The following CSMD1 variants were observed in gnomAD, a reference collection of about 807,000 sequenced individuals.
CSMD1 encodes the protein CUB and Sushi multiple domains 1.
Under a neutral mutation model 417.5 loss-of-function variants are expected in CSMD1, and 213 were observed. The ratio of observed to expected loss-of-function variants is 0.51; its 90% CI spans 0.46 to 0.57. The LOEUF is 0.57. CSMD1 is among the 20% of genes least tolerant of loss of function. The pLI, the probability that CSMD1 is intolerant of heterozygous loss-of-function variation, is 0.00. For missense variants in CSMD1, 6,923 were observed against 4,529.7 expected, an observed-to-expected ratio of 1.53 and a Z score of -15.17; for synonymous variants, 2,862 against 1,736.8, an observed-to-expected ratio of 1.65 and a Z score of -16.11.
intron 5 of CSMD1, among the ~76,000 whole-genome samples, chr8:3,754,670 G>A (rs757475515): frequency 2.0e-5 from 3 of 152,276 alleles, no homozygotes; most frequent in Non-Finnish European, 4.4e-5. Flanking sequence ...GGCCAGGCTG[G>A]TCTCGAACTT....
chr8:4,429,029 T>G (rs947635960), intron 2 of CSMD1, among the ~76,000 whole-genome samples: 2 of 152,058 alleles, frequency 1.3e-5, no homozygotes, highest in African/African-American at 2.4e-5. Flanking sequence ...CTTAGGTATT[T>G]TTTTAATAAG....
intron 46 of CSMD1, among the ~76,000 whole-genome samples, chr8:3,102,461 C>T (rs964753084): frequency 1.3e-5 from 2 of 152,094 alleles, no homozygotes; most frequent in East Asian, 1.9e-4. Flanking sequence ...GAGTAAAAGT[C>T]GGCAAATTTT....
At chr8:4,322,031 G>T (rs182695404) in intron 3 of CSMD1, among the ~76,000 whole-genome samples, 3 of 151,976 alleles carry the variant, frequency 2.0e-5, no homozygotes, top group African/African-American at 2.4e-5. Context: ...CATTAATTTA[G>T]TTCATATTTT....
chr8:4,323,663 T>G (rs939306185), intron 3 of CSMD1, among the ~76,000 whole-genome samples: 3 of 152,152 alleles, frequency 2.0e-5, no homozygotes, highest in Non-Finnish European at 4.4e-5. Context: ...GGCAGTGGAC[T>G]CTACAAACAA....
At position 4,805,187 on chromosome 8, in the gene CSMD1, G is replaced by A. The variant is rs75839198; in HGVS notation, c.86-167629C>T. Among the ~76,000 whole-genome samples the A allele has an allele frequency of 3.6e-3, 551 of 152,284 alleles. 9 individuals are homozygous for A. Among genetic ancestry groups the A allele is most frequent in the African/African-American group, 0.012 (513 of 41,554 alleles). Reference sequence around the variant, plus strand: ...ATGTCAGTTTACTCGTTTGTATAGAGAGATAATATCTGCGATAATCATAGT... The same window carrying A: ...ATGTCAGTTTACTCGTTTGTATAGAAAGATAATATCTGCGATAATCATAGT... On this transcript the variant is annotated intron_variant, in intron 1 of 69. Coordinates refer to ENST00000635120, the MANE Select transcript of CSMD1 (RefSeq NM_033225.6).
intron 8 of CSMD1, among the ~76,000 whole-genome samples, chr8:3,597,996 T>G (rs191897924): frequency 1.2e-3 from 187 of 152,350 alleles, no homozygotes; most frequent in Non-Finnish European, 7.3e-4. Flanking sequence ...AAAAAGTTTT[T>G]CTTTGTATAT....
At chr8:3,870,846 C>T (rs1482510086) in intron 5 of CSMD1, among the ~76,000 whole-genome samples, 1 of 152,060 alleles carries the variant, frequency 6.6e-6, no homozygotes, top group East Asian at 1.9e-4. Flanking sequence ...AACATTAACA[C>T]CATTCTGTCT....
chr8:3,439,453 C>A (rs1029274420), intron 12 of CSMD1, among the ~76,000 whole-genome samples: 3 of 149,528 alleles, frequency 2.0e-5, no homozygotes, highest in Non-Finnish European at 4.4e-5. Context: ...GGTGAAAGGT[C>A]TTCTGAACAT....
chr8:3,181,501 T>C (rs1244373366), intron 36 of CSMD1, among the ~76,000 whole-genome samples: 2 of 152,202 alleles, frequency 1.3e-5, no homozygotes, highest in African/African-American at 4.8e-5. Flanking sequence ...GTTTTATCCA[T>C]GTAATCTTCT....
intron 7 of CSMD1, among the ~76,000 whole-genome samples, chr8:3,629,700 C>T (rs551621258): frequency 4.0e-5 from 6 of 151,112 alleles, no homozygotes; most frequent in Non-Finnish European, 5.9e-5. Flanking sequence ...GAAAAGACCA[C>T]ATGATCGGCA....
At chr8:4,143,250 T>C (rs551375999) in intron 3 of CSMD1, among the ~76,000 whole-genome samples, 3 of 151,282 alleles carry the variant, frequency 2.0e-5, no homozygotes, top group African/African-American at 7.4e-5. Context: ...GTTAGCACTA[T>C]CTTTTTCCAT....
intron 3 of CSMD1, among the ~76,000 whole-genome samples, chr8:4,107,320 G>C (rs1018084562): frequency 5.9e-5 from 9 of 152,174 alleles, no homozygotes; most frequent in African/African-American, 1.7e-4. Flanking sequence ...CTGAAATAGA[G>C]AGGATTTCCA....
At chr8:3,385,347 TTG>T (rs72331707) in intron 18 of CSMD1, among the ~76,000 whole-genome samples, 102,356 of 149,742 alleles carry the variant, frequency 0.68, 35,564 homozygotes, top group Middle Eastern at 0.79. Context: ...TTTTGTGTTT[TTG>T]TGTTTTACCC....
At chr8:3,886,555 G>A (rs557087664) in intron 5 of CSMD1, among the ~76,000 whole-genome samples, 11 of 152,188 alleles carry the variant, frequency 7.2e-5, no homozygotes, top group South Asian at 2.1e-4. Flanking sequence ...CTTTAATGAC[G>A]AAGCGTGGCT....
In CSMD1 at chr8:3,821,272, G is replaced by C. The variant is rs140247494; in HGVS notation, c.819-67230C>G. Among the ~76,000 whole-genome samples the C allele has an allele frequency of 5.3e-5, 8 of 152,250 alleles. No homozygotes were observed. In the East Asian group the frequency reaches 9.7e-4, roughly 18 times the overall value. ...GTACACACTAAAATAACAATCAAAA[G>C]TATAGGAAATACATTAACCAGCAAC... On this transcript the variant is annotated intron_variant, in intron 5 of 69. Transcript: ENST00000635120.
intron 5 of CSMD1, among the ~76,000 whole-genome samples, chr8:3,917,739 C>G (rs1360188770): frequency 6.6e-6 from 1 of 152,136 alleles, no homozygotes; most frequent in Admixed American, 6.6e-5. Context: ...TCACCACTCT[C>G]AAGGCCACAG....
intron 5 of CSMD1, among the ~76,000 whole-genome samples, chr8:3,761,351 T>A (rs1392696267): frequency 6.6e-6 from 1 of 152,084 alleles, no homozygotes; most frequent in African/African-American, 2.4e-5. Context: ...TTTCTAGAAA[T>A]TTAATTCAAA....
At chr8:4,718,781 A>G (rs567954220) in intron 1 of CSMD1, among the ~76,000 whole-genome samples, 1 of 152,086 alleles carries the variant, frequency 6.6e-6, no homozygotes, top group Non-Finnish European at 1.5e-5. Context: ...TTAAAGCAAT[A>G]GAAACTTAAA....
At chr8:4,048,093 T>A (rs968943738) in intron 3 of CSMD1, among the ~76,000 whole-genome samples, 1 of 152,180 alleles carries the variant, frequency 6.6e-6, no homozygotes, top group African/African-American at 2.4e-5. Flanking sequence ...TTGATAAGTA[T>A]CTCAGGGTAG....
Sources: gnomAD v4.1 joint callset for allele counts (sites outside exome capture counted in the v4.1 genomes callset) on GRCh38, gnomAD v4.1.1 for gene constraint, MANE v1.5 for transcripts, NCBI Gene and HGNC (gene_info 2026-07-23, HGNC 2026-07-21) for gene names.